Variants in FAM220A observed in about 807,000 individuals in gnomAD.
The protein encoded by FAM220A is family with sequence similarity 220 member A.
For missense variants in FAM220A, 392 were observed against 321.6 expected (o/e 1.22, Z -1.68); for synonymous variants, 141 against 130.7 (o/e 1.08, Z -0.54).
At chr7:6,340,671 G>A (rs960127270) in intron 1 of FAM220A, among the ~76,000 whole-genome samples, 6 of 151,914 alleles carry the variant, frequency 3.9e-5, no homozygotes, top group African/African-American at 7.3e-5. Context: ...AGGCCGAGGC[G>A]GGCGGATCAC....
In FAM220A at chr7:6,337,387, G is replaced by A. The variant is rs565723878; in HGVS notation, c.-81-6152C>T. 6.7e-3 allele frequency among the ~76,000 whole-genome samples: 1,010 copies of A among 150,942 alleles called. 23 individuals carry two copies. Among genetic ancestry groups the A allele is most frequent in the African/African-American group, 0.023 (919 of 40,336 alleles). ...TCTACCCGCCTCAGCCTCCCAAAGT[G>A]TTGGGATTACAGGCGTGAGCCACTG... is the stretch of plus-strand genomic sequence containing the variant. On this transcript the variant is annotated intron_variant, in intron 1 of 1. Coordinates refer to ENST00000313324, the MANE Select transcript of FAM220A (RefSeq NM_001037163.2).
chr7:6,341,971 C>T (rs940059735), intron 1 of FAM220A: 8 of 151,862 alleles, frequency 5.3e-5, no homozygotes, highest in African/African-American at 1.9e-4. Context: ...GCACTCCAGC[C>T]TGGGCGACAA....
At chr7:6,345,183 T>C (rs1348575605) in intron 1 of FAM220A, among the ~76,000 whole-genome samples, 1 of 151,892 alleles carries the variant, frequency 6.6e-6, no homozygotes, top group African/African-American at 2.4e-5. Context: ...AGCATCATGA[T>C]CACGGCTCAC....
intron 1 of FAM220A, among the ~76,000 whole-genome samples, chr7:6,340,010 G>A (rs1232613080): frequency 6.6e-6 from 1 of 152,072 alleles, no homozygotes; most frequent in Non-Finnish European, 1.5e-5. Context: ...TCAGCCTCCT[G>A]AGTAGCTGGG....
chr7:6,344,769 C>A (rs368541990), intron 1 of FAM220A, among the ~76,000 whole-genome samples: 146 of 152,146 alleles, frequency 9.6e-4, no homozygotes, highest in African/African-American at 3.3e-3. Flanking sequence ...GAGACGGAGT[C>A]TCACTGTGTT....
At chr7:6,344,952 G>A (rs542137312) in intron 1 of FAM220A, among the ~76,000 whole-genome samples, 6 of 152,116 alleles carry the variant, frequency 3.9e-5, no homozygotes, top group Non-Finnish European at 8.8e-5. Flanking sequence ...TGTTGGCCAT[G>A]CTGGTCTCAA....
Position 6,330,188 on chromosome 7 carries a change from T to A in FAM220A, c.*187A>T. The A allele has an allele frequency of 3.2e-6, 2 of 620,486 alleles. No individual in the cohort carries two copies. Among genetic ancestry groups the A allele is most frequent in the Non-Finnish European group, 5.7e-6 (2 of 351,458 alleles). The allele number at this position is 620,486 out of a possible 1,614,324, so 38.4% of individuals were successfully genotyped here. ...GTCTTTTAAAGCACAATTTAACACATGCCAAAAAAGTTCCTTCCGCATCAA... is the reference window on the plus strand; with the variant it reads ...GTCTTTTAAAGCACAATTTAACACAAGCCAAAAAAGTTCCTTCCGCATCAA... On this transcript the variant is annotated 3_prime_UTR_variant, in exon 2 of 2. Transcript: ENST00000313324.
chr7:6,331,017 C>T lies in FAM220A; in HGVS notation c.138G>A (p.Trp46Ter). 6.2e-7 allele frequency: 1 copy of T among 1,614,150 alleles called. No individual in the cohort carries two copies. Among genetic ancestry groups the T allele is most frequent in the African/African-American group, 1.3e-5 (1 of 75,066 alleles). Residue 46 changes from tryptophan (W) to a stop codon, truncating the protein, a stop_gained, in exon 2 of 2, where the codon TGG becomes TGA. Coordinates refer to ENST00000313324, the MANE Select transcript of FAM220A (RefSeq NM_001037163.2). LOFTEE classifies it low-confidence loss of function (END_TRUNC). ...EGPWPADAPS[W>*]MNKPVVDGNS... ...TTCCATCAACCACAGGCTTATTCAT[C>T]CAGGAGGGTGCATCTGCAGGCCAAG...
chr7:6,346,333 C>A (rs1317751037), intron 1 of FAM220A, among the ~76,000 whole-genome samples: 1 of 152,138 alleles, frequency 6.6e-6, no homozygotes, highest in Non-Finnish European at 1.5e-5. Context: ...GACAGTACCT[C>A]AATTTGGACC....
chr7:6,341,369 G>A (rs1234017665), intron 1 of FAM220A, among the ~76,000 whole-genome samples: 3 of 151,482 alleles, frequency 2.0e-5, no homozygotes, highest in Admixed American at 1.3e-4. Context: ...TGTGAACCGG[G>A]AGGCGGAGCT....
chr7:6,341,323 G>T (rs2115143756), intron 1 of FAM220A, among the ~76,000 whole-genome samples: 1 of 151,330 alleles, frequency 6.6e-6, no homozygotes, highest in Admixed American at 6.6e-5. Context: ...GGCGCCTGTA[G>T]TCCCAGCTAC....
intron 1 of FAM220A, among the ~76,000 whole-genome samples, chr7:6,336,158 G>T (rs1183535362): frequency 7.0e-6 from 1 of 141,954 alleles, no homozygotes; most frequent in Non-Finnish European, 1.5e-5. Flanking sequence ...GGGCAACAGA[G>T]TGAGATTTTG....
At position 6,331,399 on chromosome 7, in the gene FAM220A, G is replaced by C. The variant is rs1241367726; in HGVS notation, c.-81-164C>G. ...GCTGGTTTTGAACTCCTGACCTCAG[G>C]TGATCCACCCACCTCAGCGTCCCAA... On this transcript the variant is annotated intron_variant, in intron 1 of 1. Transcript: ENST00000313324. 5.9e-5 allele frequency among the ~76,000 whole-genome samples: 9 copies of C among 152,194 alleles called. No individual in the cohort carries two copies. In the East Asian group the frequency reaches 1.7e-3, roughly 29 times the overall value.
Position 6,333,735 on chromosome 7 carries a change from C to T in FAM220A, c.-81-2500G>A, listed in dbSNP as rs1029242244. On this transcript the variant is annotated intron_variant, in intron 1 of 1. Coordinates refer to ENST00000313324, the MANE Select transcript of FAM220A (RefSeq NM_001037163.2). ...TAGAGTGAGAAAGGAAAGTGCACTT[C>T]GAAGAGATCCAAGTAGGTGACTTGA... Among the ~76,000 whole-genome samples the T allele has an allele frequency of 5.4e-5, 8 of 148,314 alleles. No homozygotes were observed. In the East Asian group the frequency reaches 6.1e-4, roughly 11 times the overall value.
intron 1 of FAM220A, among the ~76,000 whole-genome samples, chr7:6,341,213 G>A (rs1781850831): frequency 6.6e-6 from 1 of 150,854 alleles, no homozygotes; most frequent in Non-Finnish European, 1.5e-5. Context: ...GGGAGGCCAA[G>A]GAGGGTAGAT....
At chr7:6,337,763 T>A (rs1204177602) in intron 1 of FAM220A, among the ~76,000 whole-genome samples, 3 of 151,684 alleles carry the variant, frequency 2.0e-5, no homozygotes, top group Admixed American at 2.0e-4. Flanking sequence ...TAATAAACTA[T>A]TTAATTCTCT....
chr7:6,348,948 C>CCAGCCTGGCCGCG lies in FAM220A; in HGVS notation c.-470_-458dup. 2.6e-6 allele frequency: 1 copy of CCAGCCTGGCCGCG among 379,874 alleles called. No homozygotes were observed. Among genetic ancestry groups the CCAGCCTGGCCGCG allele is most frequent in the East Asian group, 3.8e-5 (1 of 26,162 alleles). 23.5% of individuals were successfully genotyped at this position (379,874 alleles called of 1,614,324 possible). A position where few individuals can be genotyped will look rare whatever the true frequency, so the allele number is the denominator to read the frequency against. On this transcript the variant is annotated 5_prime_UTR_variant, in exon 1 of 2. Transcript: ENST00000313324. Reference sequence around the variant, plus strand: ...GTGCCTCCGCGAGCAGCCGCCTGTACCAGCCTGGCCGCGCAGCCTGACGTC... The same window carrying CCAGCCTGGCCGCG: ...GTGCCTCCGCGAGCAGCCGCCTGTACCAGCCTGGCCGCGCAGCCTGGCCGCGCAGCCTGACGTC...
intron 1 of FAM220A, among the ~76,000 whole-genome samples, chr7:6,346,819 G>A (rs1024482143): frequency 1.3e-5 from 2 of 152,174 alleles, no homozygotes; most frequent in African/African-American, 4.8e-5. Context: ...ACGTTAGAAA[G>A]GGACGGCACC....
At chr7:6,334,278 G>A (rs1781702989) in intron 1 of FAM220A, among the ~76,000 whole-genome samples, 1 of 150,412 alleles carries the variant, frequency 6.6e-6, no homozygotes, top group Admixed American at 6.6e-5. Flanking sequence ...GCTCACGCCT[G>A]TAATCCCAGC....
Sources: gnomAD v4.1 joint callset for allele counts (sites outside exome capture counted in the v4.1 genomes callset) on GRCh38, gnomAD v4.1.1 for gene constraint, MANE v1.5 for transcripts, NCBI Gene and HGNC (gene_info 2026-07-23, HGNC 2026-07-21) for gene names.